Variants in ADARB2 observed in about 807,000 individuals in gnomAD.
The protein encoded by ADARB2 is inactive double-stranded RNA-specific editase B2.
Under a neutral mutation model 62.2 loss-of-function variants are expected in ADARB2, and 25 were observed. That is an observed-to-expected ratio of 0.40 (90% CI 0.29 to 0.56). The LOEUF (loss-of-function observed/expected upper bound fraction) is 0.56, where lower values mean the gene tolerates loss of function less well. Ranked by LOEUF, ADARB2 falls within the 20% of genes least tolerant of loss-of-function variation. The probability of loss-of-function intolerance (pLI) is 0.43; values close to 1 mark genes in which losing one functional copy is unlikely to be tolerated. For synonymous variants in ADARB2, 572 were observed against 500.8 expected (o/e 1.14, Z -1.90); for missense variants, 1,071 against 1,077.4 (o/e 0.99, Z 0.08).
intron 1 of ADARB2, among the ~76,000 whole-genome samples, chr10:1,685,645 CTT>C (rs2119120901): frequency 6.6e-6 from 1 of 152,020 alleles, no homozygotes; most frequent in East Asian, 1.9e-4. Context: ...GTGGACTGAC[CTT>C]TCTCACTTTG....
At position 1,180,764 on chromosome 10, in the gene ADARB2, T is replaced by C. The variant is rs1011086938; in HGVS notation, c.*2429A>G. 4 of 152,466 alleles carry C rather than the reference T, an allele frequency of 2.6e-5. No homozygotes were observed. The highest frequency in any genetic ancestry group is 7.2e-5 in the African/African-American group (3 of 41,584). 9.4% of individuals were successfully genotyped at this position (152,466 alleles called of 1,614,324 possible). On this transcript the variant is annotated 3_prime_UTR_variant, in exon 10 of 10. Transcript: ENST00000381312. ...TGCATTGGAAACTCTTCTGTCGCTA[T>C]CGGCCTTCTCTGAAGAGCTTTAATC...
chr10:1,369,152 C>T (rs986257219), intron 2 of ADARB2, among the ~76,000 whole-genome samples: 2 of 152,188 alleles, frequency 1.3e-5, no homozygotes, highest in Non-Finnish European at 2.9e-5. Flanking sequence ...TTAGACTCCC[C>T]TCCCCGACCC....
intron 3 of ADARB2, among the ~76,000 whole-genome samples, chr10:1,350,648 A>G (rs1832127411): frequency 2.0e-5 from 3 of 152,192 alleles, no homozygotes; most frequent in African/African-American, 7.2e-5. Flanking sequence ...CATCAAATAT[A>G]AAAATCCAGC....
chr10:1,523,019 C>G (rs966611797), intron 1 of ADARB2, among the ~76,000 whole-genome samples: 7 of 152,196 alleles, frequency 4.6e-5, no homozygotes, highest in African/African-American at 1.7e-4. Flanking sequence ...TCCTTACACC[C>G]AGCAGACAGA....
chr10:1,650,982 G>C (rs531806446), intron 1 of ADARB2, among the ~76,000 whole-genome samples: 1 of 152,302 alleles, frequency 6.6e-6, no homozygotes, highest in South Asian at 2.1e-4. Context: ...CCAAGCCGAG[G>C]CTATCTGAAG....
intron 1 of ADARB2, among the ~76,000 whole-genome samples, chr10:1,695,022 G>A (rs1244356723): frequency 6.6e-6 from 1 of 152,192 alleles, no homozygotes; most frequent in Non-Finnish European, 1.5e-5. Flanking sequence ...AGATGAACAG[G>A]GATGTGTGGG....
At chr10:1,333,695 C>A (rs1831948919) in intron 3 of ADARB2, among the ~76,000 whole-genome samples, 1 of 152,028 alleles carries the variant, frequency 6.6e-6, no homozygotes, top group Non-Finnish European at 1.5e-5. Flanking sequence ...AACTGCAGAC[C>A]TCAAAGTCCA....
chr10:1,288,349 G>A (rs1336321094), intron 3 of ADARB2, among the ~76,000 whole-genome samples: 4 of 152,208 alleles, frequency 2.6e-5, no homozygotes, highest in African/African-American at 9.6e-5. Context: ...GTGATAAATG[G>A]CAGCTGACAT....
At chr10:1,553,510 G>C (rs1027200718) in intron 1 of ADARB2, among the ~76,000 whole-genome samples, 1 of 152,154 alleles carries the variant, frequency 6.6e-6, no homozygotes, top group Non-Finnish European at 1.5e-5. Context: ...GATTCTAGCC[G>C]GTCTCAAAGG....
intron 1 of ADARB2, among the ~76,000 whole-genome samples, chr10:1,692,722 A>T (rs536574380): frequency 1.5e-4 from 23 of 152,250 alleles, no homozygotes; most frequent in Admixed American, 1.3e-4. Flanking sequence ...CATTTTTTTT[A>T]AAAACAATAA....
chr10:1,267,901 A>T (rs1831221826), intron 4 of ADARB2, among the ~76,000 whole-genome samples: 1 of 152,166 alleles, frequency 6.6e-6, no homozygotes, highest in South Asian at 2.1e-4. Context: ...CACTCAAAAG[A>T]CAAAGTAGAG....
At chr10:1,510,212 G>A (rs986623744) in intron 1 of ADARB2, among the ~76,000 whole-genome samples, 4 of 128,510 alleles carry the variant, frequency 3.1e-5, no homozygotes, top group Non-Finnish European at 6.4e-5. Context: ...ACAAGATCTC[G>A]CTCTGTTGCC....
intron 1 of ADARB2, among the ~76,000 whole-genome samples, chr10:1,705,425 A>T (rs1251203428): frequency 6.6e-6 from 1 of 152,170 alleles, no homozygotes; most frequent in African/African-American, 2.4e-5. Flanking sequence ...ACTTGATCAC[A>T]GTGTCACCGG....
At chr10:1,249,258 A>C (rs1317087755) in intron 4 of ADARB2, among the ~76,000 whole-genome samples, 1 of 152,192 alleles carries the variant, frequency 6.6e-6, no homozygotes, top group African/African-American at 2.4e-5. Context: ...CCTGGGCAAC[A>C]TAGCCAGACC....
intron 1 of ADARB2, among the ~76,000 whole-genome samples, chr10:1,524,412 G>T (rs1832114435): frequency 6.6e-6 from 1 of 152,158 alleles, no homozygotes; most frequent in Admixed American, 6.5e-5. Flanking sequence ...TGGTCCACCA[G>T]CAGGCATCCA....
chr10:1,376,468 T>A (rs1489361318), intron 2 of ADARB2, among the ~76,000 whole-genome samples: 1 of 152,202 alleles, frequency 6.6e-6, no homozygotes, highest in Non-Finnish European at 1.5e-5. Context: ...AGTCTTGGCC[T>A]CATCAGGCCC....
chr10:1,337,951 G>C (rs1831989731), intron 3 of ADARB2, among the ~76,000 whole-genome samples: 1 of 152,234 alleles, frequency 6.6e-6, no homozygotes, highest in African/African-American at 2.4e-5. Context: ...CTCTGCTGAA[G>C]TTGTGTTGTC....
chr10:1,447,368 G>A (rs1830982580), intron 1 of ADARB2, among the ~76,000 whole-genome samples: 1 of 152,176 alleles, frequency 6.6e-6, no homozygotes, highest in South Asian at 2.1e-4. Flanking sequence ...TAAGGATCAA[G>A]TTATTTTCCC....
intron 1 of ADARB2, among the ~76,000 whole-genome samples, chr10:1,406,798 T>C (rs1315075237): frequency 2.0e-5 from 3 of 152,166 alleles, no homozygotes; most frequent in Non-Finnish European, 4.4e-5. Flanking sequence ...GGCCCTGCAG[T>C]TGGGGCCCTG....
Sources: allele counts gnomAD v4.1 joint callset (sites outside exome capture counted in the v4.1 genomes callset), GRCh38; gene constraint gnomAD v4.1.1; transcripts MANE v1.5; gene names NCBI Gene and HGNC (gene_info 2026-07-23, HGNC 2026-07-21).